The following TUSC3 variants were observed in gnomAD, a reference collection of about 807,000 sequenced individuals.
TUSC3 encodes tumor suppressor candidate 3, also known as dolichyl-diphosphooligosaccharide--protein glycosyltransferase subunit TUSC3.
A neutral mutation model predicts 44.8 loss-of-function variants in TUSC3; 45 were observed. The ratio of observed to expected loss-of-function variants is 1.00; its 90% CI spans 0.79 to 1.29. TUSC3 has a LOEUF of 1.29. Ranked by LOEUF, TUSC3 falls within the 50% of genes most tolerant of loss-of-function variation. The pLI is 0.00. For missense variants in TUSC3, 519 were observed against 437.9 expected, an observed-to-expected ratio of 1.19 and a Z score of -1.65; for synonymous variants, 212 against 152.9, an observed-to-expected ratio of 1.39 and a Z score of -2.85.
At chr8:15,482,965 C>A (rs564128026) in intron 1 of TUSC3, among the ~76,000 whole-genome samples, 1 of 152,106 alleles carries the variant, frequency 6.6e-6, no homozygotes, top group South Asian at 2.1e-4. Context: ...GTATAAAACA[C>A]TGGTAATTAA....
chr8:15,789,825 A>G, the TUSC3 span, among the ~76,000 whole-genome samples: 1 of 152,184 alleles, frequency 6.6e-6, no homozygotes, highest in Non-Finnish European at 1.5e-5. Flanking sequence ...GCAGATGACA[A>G]TGAAAAACGG....
intron 6 of TUSC3, among the ~76,000 whole-genome samples, chr8:15,676,054 G>C (rs1194592354): frequency 6.6e-6 from 1 of 152,074 alleles, no homozygotes; most frequent in Non-Finnish European, 1.5e-5. Flanking sequence ...CCCACCAGCA[G>C]TGTATGTGTT....
At position 15,638,017 on chromosome 8, in the gene TUSC3, G is replaced by C. The variant is rs3788998; in HGVS notation, c.309-12680G>C. Among the ~76,000 whole-genome samples, 757 of 152,220 alleles carry C rather than the reference G, an allele frequency of 5.0e-3. 24 individuals carry two copies. In the East Asian group the frequency reaches 0.072, roughly 14 times the overall value. On this transcript the variant is annotated intron_variant, in intron 2 of 10. Coordinates refer to ENST00000503731, the MANE Select transcript of TUSC3 (RefSeq NM_006765.4). ...TCCCCACAAAGTGGTGCATTCTTAAGACTGCCATGTTTGTTCCTGTGTACT... is the reference window on the plus strand; with the variant it reads ...TCCCCACAAAGTGGTGCATTCTTAACACTGCCATGTTTGTTCCTGTGTACT...
At chr8:15,758,824 C>G (rs1812045892) in intron 10 of TUSC3, among the ~76,000 whole-genome samples, 1 of 152,158 alleles carries the variant, frequency 6.6e-6, no homozygotes, top group African/African-American at 2.4e-5. Context: ...GGCCTGAGCA[C>G]TAGGAGACTG....
chr8:15,635,335 G>A (rs907945260), intron 2 of TUSC3, among the ~76,000 whole-genome samples: 11 of 152,220 alleles, frequency 7.2e-5, no homozygotes, highest in East Asian at 5.8e-4. Context: ...AGAGGAAGTC[G>A]AGTCACACAT....
chr8:15,707,143 T>C (rs368698580), intron 6 of TUSC3, among the ~76,000 whole-genome samples: 68 of 152,130 alleles, frequency 4.5e-4, no homozygotes, highest in African/African-American at 1.6e-3. Flanking sequence ...TATCAGATGG[T>C]ATATTTGAGA....
chr8:15,460,272 A>G (rs1198344120), intron 1 of TUSC3, among the ~76,000 whole-genome samples: 1 of 152,100 alleles, frequency 6.6e-6, no homozygotes, highest in Non-Finnish European at 1.5e-5. Context: ...TTTGATTTGC[A>G]GTTCCCTGAT....
chr8:15,798,347 A>G, the TUSC3 span, among the ~76,000 whole-genome samples: 1 of 152,160 alleles, frequency 6.6e-6, no homozygotes, highest in Admixed American at 6.5e-5. Flanking sequence ...AAGTGCCCAT[A>G]TCCAAAAAGC....
chr8:15,633,437 A>G (rs917092371), intron 2 of TUSC3, among the ~76,000 whole-genome samples: 4 of 152,168 alleles, frequency 2.6e-5, no homozygotes, highest in Non-Finnish European at 4.4e-5. Context: ...CCAAAAAGGT[A>G]TTCTGCATTC....
At position 15,730,746 on chromosome 8, in the gene TUSC3, C is replaced by T; in HGVS notation, c.862+17C>T. The T allele has an allele frequency of 6.2e-7, 1 of 1,611,746 alleles. No individual in the cohort carries two copies. The highest frequency in any genetic ancestry group is 8.5e-7 in the Non-Finnish European group (1 of 1,178,444). Reference sequence around the variant, plus strand: ...TGGTACTGAGTATCCTTTTAAGATACCGACGAATTGAAAAGGGCAAACTAA... The same window carrying T: ...TGGTACTGAGTATCCTTTTAAGATATCGACGAATTGAAAAGGGCAAACTAA... On this transcript the variant is annotated intron_variant, in intron 7 of 10. Transcript: ENST00000503731.
chr8:15,531,166 C>G lies in TUSC3; in HGVS notation n.189+47683C>G, dbSNP rs118081910. ...CAGAAGTAGGCCAACAAATAAAATC[C>G]CAGGTTCAAAGTCAAAGGGGGATTT... On this transcript the variant is annotated intron_variant and non_coding_transcript_variant, in intron 2 of 5. Transcript: ENST00000503191. Among the ~76,000 whole-genome samples the G allele has an allele frequency of 1.3e-5, 2 of 152,132 alleles. 1 individual carries two copies. Among genetic ancestry groups the G allele is most frequent in the Non-Finnish European group, 2.9e-5 (2 of 68,032 alleles).
At chr8:15,726,445 C>G (rs550508798) in intron 6 of TUSC3, among the ~76,000 whole-genome samples, 1 of 152,116 alleles carries the variant, frequency 6.6e-6, no homozygotes, top group South Asian at 2.1e-4. Flanking sequence ...TTTGTTATAA[C>G]CTTATTTTTA....
At chr8:15,456,310 C>T (rs987463432) in intron 1 of TUSC3, among the ~76,000 whole-genome samples, 1 of 152,070 alleles carries the variant, frequency 6.6e-6, no homozygotes, top group Non-Finnish European at 1.5e-5. Flanking sequence ...AATGGGCAGG[C>T]GGAACCTGTT....
the TUSC3 span, among the ~76,000 whole-genome samples, chr8:15,797,692 A>G: frequency 2.6e-5 from 4 of 152,174 alleles, no homozygotes; most frequent in South Asian, 4.1e-4. Flanking sequence ...GCAACCATAC[A>G]TTGGAGACCT....
chr8:15,767,179 G>T (rs575049821), downstream of TUSC3, among the ~76,000 whole-genome samples: 1 of 152,094 alleles, frequency 6.6e-6, no homozygotes, highest in East Asian at 1.9e-4. Context: ...TATAATTCAC[G>T]AGCATCTGCC....
chr8:15,551,823 G>C (rs1802068779), intron 1 of TUSC3, among the ~76,000 whole-genome samples: 1 of 151,678 alleles, frequency 6.6e-6, no homozygotes, highest in Non-Finnish European at 1.5e-5. Flanking sequence ...CCTTTTCTCT[G>C]TATCCCTTTT....
At chr8:15,640,992 T>G (rs1806339588) in intron 2 of TUSC3, among the ~76,000 whole-genome samples, 1 of 152,210 alleles carries the variant, frequency 6.6e-6, no homozygotes, top group Non-Finnish European at 1.5e-5. Flanking sequence ...TCCCATGTAC[T>G]AGACATACCT....
chr8:15,701,420 G>A (rs1158093808), intron 6 of TUSC3, among the ~76,000 whole-genome samples: 3 of 152,094 alleles, frequency 2.0e-5, no homozygotes, highest in Non-Finnish European at 4.4e-5. Flanking sequence ...TACTGTGTAT[G>A]TGTGTATTTT....
intron 2 of TUSC3, among the ~76,000 whole-genome samples, chr8:15,643,610 A>G (rs1806485760): frequency 6.6e-6 from 1 of 152,198 alleles, no homozygotes; most frequent in Non-Finnish European, 1.5e-5. Flanking sequence ...TGCACAGGGA[A>G]CAGCTTTAAG....
Sources: allele counts gnomAD v4.1 joint callset (sites outside exome capture counted in the v4.1 genomes callset), GRCh38; gene constraint gnomAD v4.1.1; transcripts MANE v1.5; gene names NCBI Gene and HGNC (gene_info 2026-07-23, HGNC 2026-07-21).